Variants in KIAA1328 observed in about 807,000 individuals in gnomAD.
KIAA1328 encodes the protein protein hinderin.
In KIAA1328, 52 loss-of-function variants were observed where a neutral mutation model predicts 68.1. The ratio of observed to expected loss-of-function variants is 0.76; its 90% confidence interval spans 0.61 to 0.96. KIAA1328 has a LOEUF of 0.96. KIAA1328 is among the 40% of genes least tolerant of loss of function. KIAA1328 has a pLI of 0.00. For missense variants in KIAA1328, 641 were observed against 677.6 expected, an observed-to-expected ratio of 0.95 and a Z score of 0.60; for synonymous variants, 232 against 239.4, an observed-to-expected ratio of 0.97 and a Z score of 0.28.
chr18:37,086,967 TC>T (rs1220477308), intron 7 of KIAA1328, among the ~76,000 whole-genome samples: 1 of 152,224 alleles, frequency 6.6e-6, no homozygotes, highest in Non-Finnish European at 1.5e-5. Context: ...ATGTATTGTC[TC>T]TTTTGAGAAC....
At chr18:37,228,152 A>G (rs2071238492), downstream of KIAA1328, among the ~76,000 whole-genome samples, 1 of 152,222 alleles carries the variant, frequency 6.6e-6, no homozygotes, top group South Asian at 2.1e-4. Context: ...TAAAACTTGA[A>G]CAGATGAGGA....
intron 9 of KIAA1328, among the ~76,000 whole-genome samples, chr18:37,196,181 G>GT (rs1176278135): frequency 2.0e-5 from 3 of 152,252 alleles, no homozygotes; most frequent in Non-Finnish European, 2.9e-5. Context: ...AATTCTAAGA[G>GT]TTTTTGGTGA....
In KIAA1328 at chr18:36,967,935, G is replaced by T. The variant is rs138478212; in HGVS notation, c.576+8500G>T. On this transcript the variant is annotated intron_variant, in intron 6 of 9. Transcript: ENST00000280020. The stretch of plus-strand genomic sequence containing the variant: ...AAATCTTCAAGAAATATAGGATTAC[G>T]TAAAGAGACCAAATCTATGACTCAT... Among the ~76,000 whole-genome samples, 144 of 152,326 alleles carry T rather than the reference G, an allele frequency of 9.5e-4. 1 individual carries two copies. Among genetic ancestry groups the T allele is most frequent in the African/African-American group, 3.1e-3 (127 of 41,570 alleles).
chr18:37,101,087 C>T (rs374708038), intron 7 of KIAA1328, among the ~76,000 whole-genome samples: 4 of 151,902 alleles, frequency 2.6e-5, no homozygotes, highest in South Asian at 2.1e-4. Context: ...GAGCAGAAAA[C>T]GAAACTCTAA....
At chr18:37,229,943 C>A (rs145930669), downstream of KIAA1328, 1 of 154,694 alleles carries the variant, frequency 6.5e-6, no homozygotes, top group Non-Finnish European at 1.4e-5. Context: ...TTACCCACTT[C>A]TCTCTCTCTT....
chr18:36,997,515 A>T (rs991181821), intron 6 of KIAA1328, among the ~76,000 whole-genome samples: 15 of 152,156 alleles, frequency 9.9e-5, no homozygotes, highest in Admixed American at 8.5e-4. Context: ...TAACACAGGG[A>T]GCTGCCAGTA....
chr18:36,875,246 A>G (rs1004046250), intron 4 of KIAA1328, among the ~76,000 whole-genome samples: 3 of 152,226 alleles, frequency 2.0e-5, no homozygotes, highest in Non-Finnish European at 2.9e-5. Flanking sequence ...CAATGAATCT[A>G]TAAGTTACTT....
intron 7 of KIAA1328, among the ~76,000 whole-genome samples, chr18:37,126,093 G>T (rs1408609907): frequency 6.6e-6 from 1 of 152,134 alleles, no homozygotes; most frequent in Non-Finnish European, 1.5e-5. Context: ...TTTTCTGATG[G>T]TTCAGTGTGC....
intron 6 of KIAA1328, among the ~76,000 whole-genome samples, chr18:37,025,881 A>G (rs1381318314): frequency 6.6e-6 from 1 of 152,216 alleles, no homozygotes; most frequent in Non-Finnish European, 1.5e-5. Context: ...ATCAGAGCAG[A>G]ACTGAAGGAA....
intron 7 of KIAA1328, among the ~76,000 whole-genome samples, chr18:37,115,300 A>G (rs1044915016): frequency 1.3e-5 from 2 of 152,198 alleles, no homozygotes; most frequent in East Asian, 3.8e-4. Flanking sequence ...GCAGCACATC[A>G]AAAAGCTTAT....
chr18:37,226,916 C>T (rs1167699889), downstream of KIAA1328, among the ~76,000 whole-genome samples: 2 of 152,124 alleles, frequency 1.3e-5, no homozygotes, highest in Non-Finnish European at 2.9e-5. Flanking sequence ...TACAGGCATT[C>T]GCCACCACGC....
chr18:37,200,409 G>A (rs544623189), intron 9 of KIAA1328, among the ~76,000 whole-genome samples: 2 of 152,306 alleles, frequency 1.3e-5, no homozygotes, highest in South Asian at 4.1e-4. Context: ...GCTTCTTGGT[G>A]TCTGTTAATT....
intron 7 of KIAA1328, among the ~76,000 whole-genome samples, chr18:37,081,315 G>A (rs1441019283): frequency 6.6e-6 from 1 of 152,070 alleles, no homozygotes; most frequent in African/African-American, 2.4e-5. Flanking sequence ...TTCACCTCTA[G>A]TTATCCTGCC....
At chr18:36,971,571 G>A (rs2052213920) in intron 6 of KIAA1328, among the ~76,000 whole-genome samples, 2 of 152,158 alleles carry the variant, frequency 1.3e-5, no homozygotes, top group Non-Finnish European at 2.9e-5. Context: ...AGAGGTTGTG[G>A]TGAGCTGAGA....
chr18:36,876,379 G>A (rs1458257914), intron 4 of KIAA1328, among the ~76,000 whole-genome samples: 6 of 152,040 alleles, frequency 3.9e-5, no homozygotes, highest in African/African-American at 1.2e-4. Context: ...TCAGGGATTC[G>A]ACTTCTTTCT....
intron 6 of KIAA1328, among the ~76,000 whole-genome samples, chr18:37,023,481 G>A (rs2054429416): frequency 6.6e-6 from 1 of 152,056 alleles, no homozygotes; most frequent in South Asian, 2.1e-4. Context: ...TTTCATACAG[G>A]GAGAGACCGG....
chr18:37,035,772 A>G (rs118038141), intron 6 of KIAA1328, among the ~76,000 whole-genome samples: 1 of 152,342 alleles, frequency 6.6e-6, no homozygotes, highest in East Asian at 1.9e-4. Flanking sequence ...ATAATCAAAT[A>G]TGCTGTTTTC....
chr18:36,835,113 A>C (rs2046629176), intron 2 of KIAA1328, 121 bp from the exon 3 acceptor site: 2 of 665,782 alleles, frequency 3.0e-6, no homozygotes, highest in South Asian at 5.3e-5. Context: ...TAAGTTTATA[A>C]AGTAAGAGAG....
intron 7 of KIAA1328, among the ~76,000 whole-genome samples, chr18:37,089,820 G>C (rs1329955361): frequency 6.6e-6 from 1 of 152,138 alleles, no homozygotes; most frequent in African/African-American, 2.4e-5. Flanking sequence ...TTACAAAACT[G>C]TTCATTTTTA....
Sources: allele counts gnomAD v4.1 joint callset (sites outside exome capture counted in the v4.1 genomes callset), GRCh38; gene constraint gnomAD v4.1.1; transcripts MANE v1.5; gene names NCBI Gene and HGNC (gene_info 2026-07-23, HGNC 2026-07-21).